The following DPP6 variants were observed in gnomAD, a reference collection of about 807,000 sequenced individuals.
The protein encoded by DPP6 is dipeptidyl peptidase like 6.
A neutral mutation model predicts 122.6 loss-of-function variants in DPP6; 69 were observed. That is an observed-to-expected ratio of 0.56 (90% CI 0.46 to 0.69). The LOEUF is 0.69. Among genes scored for constraint, DPP6 ranks in the 30% least tolerant of loss-of-function variants. DPP6 has a pLI of 0.00. For synonymous variants in DPP6, 418 were observed against 433.1 expected (o/e 0.97, Z 0.43); for missense variants, 928 against 1,116.9 (o/e 0.83, Z 2.41).
At chr7:154,608,086 TCTC>T (rs1349125159) in intron 5 of DPP6, among the ~76,000 whole-genome samples, 2 of 145,850 alleles carry the variant, frequency 1.4e-5, no homozygotes, top group African/African-American at 5.0e-5. Flanking sequence ...TTCAAGCAAT[TCTC>T]CTGCCTCAGC....
chr7:154,384,122 T>A (rs1813874349), intron 1 of DPP6, among the ~76,000 whole-genome samples: 6 of 151,900 alleles, frequency 3.9e-5, no homozygotes, highest in Admixed American at 3.9e-4. Flanking sequence ...TCATCCTCAT[T>A]TGATGGTCGA....
chr7:154,859,355 G>C (rs1445167456), intron 17 of DPP6, among the ~76,000 whole-genome samples: 1 of 152,244 alleles, frequency 6.6e-6, no homozygotes, highest in African/African-American at 2.4e-5. Flanking sequence ...CGGCTCCTGA[G>C]CCGCTGTGTG....
At chr7:154,316,915 G>A (rs1166484750) in intron 1 of DPP6, among the ~76,000 whole-genome samples, 1 of 152,134 alleles carries the variant, frequency 6.6e-6, no homozygotes, top group African/African-American at 2.4e-5. Context: ...GCACTTGCTA[G>A]GTAGGCAGCG....
At chr7:153,840,606 A>G in the DPP6 span, among the ~76,000 whole-genome samples, 2 of 152,222 alleles carry the variant, frequency 1.3e-5, no homozygotes, top group African/African-American at 4.8e-5. Context: ...TTGGAAATAA[A>G]CAGTCAGAAC....
chr7:154,346,110 C>T (rs1221019646), intron 1 of DPP6, among the ~76,000 whole-genome samples: 2 of 152,154 alleles, frequency 1.3e-5, no homozygotes, highest in Non-Finnish European at 2.9e-5. Flanking sequence ...AAGACAAGCA[C>T]TTCCTGTTTA....
intron 1 of DPP6, among the ~76,000 whole-genome samples, chr7:154,097,664 G>A (rs1395045691): frequency 6.6e-6 from 1 of 152,230 alleles, no homozygotes; most frequent in Non-Finnish European, 1.5e-5. Flanking sequence ...CACAGGGTCT[G>A]GGTAGCAGGG....
chr7:154,147,670 G>T (rs1217976108), intron 1 of DPP6, among the ~76,000 whole-genome samples: 2 of 148,794 alleles, frequency 1.3e-5, no homozygotes, highest in South Asian at 2.1e-4. Flanking sequence ...GTGTGTGTGT[G>T]TGTGTGTATA....
At chr7:154,053,107 G>C (rs980978307) in intron 1 of DPP6, 44 bp downstream of exon 1, 7 of 1,069,472 alleles carry the variant, frequency 6.5e-6, no homozygotes, top group African/African-American at 1.7e-5. Context: ...GGTTCTCCGG[G>C]CTGAGCGCGC....
At chr7:154,506,828 C>G (rs1232115614) in intron 3 of DPP6, among the ~76,000 whole-genome samples, 1 of 152,190 alleles carries the variant, frequency 6.6e-6, no homozygotes, top group Non-Finnish European at 1.5e-5. Flanking sequence ...GGGATAACTA[C>G]AGAGAAGCGC....
chr7:153,940,117 T>A (rs899496443), intron 1 of DPP6, among the ~76,000 whole-genome samples: 1 of 152,146 alleles, frequency 6.6e-6, no homozygotes, highest in Non-Finnish European at 1.5e-5. Context: ...TGAGTCTGTC[T>A]GCAGGGAACA....
chr7:154,145,083 C>T (rs989995155), intron 1 of DPP6, among the ~76,000 whole-genome samples: 53 of 152,218 alleles, frequency 3.5e-4, no homozygotes, highest in African/African-American at 1.3e-3. Flanking sequence ...CAGTTGTTTA[C>T]TCAAGCACTG....
At chr7:154,271,347 CAT>C (rs35709411) in intron 1 of DPP6, among the ~76,000 whole-genome samples, 36,950 of 151,960 alleles carry the variant, frequency 0.24, 5,145 homozygotes, top group Non-Finnish European at 0.32. Context: ...GTTGCGAACA[CAT>C]ATATTGTTGC....
In DPP6 at chr7:154,241,185, A is replaced by ATG. The variant is rs1554498771; in HGVS notation, c.243+188156_243+188157dup. The stretch of plus-strand genomic sequence containing the variant: ...GCACAGTAGGTAATTCAATATCAAT[A>ATG]TGTGTGTGTGTGTGTGTGTGTGTGT... On this transcript the variant is annotated intron_variant, in intron 1 of 25. Coordinates refer to ENST00000377770, the MANE Select transcript of DPP6 (RefSeq NM_130797.4). The surrounding 1 kb of genome is among the most constrained non-coding windows in gnomAD (Gnocchi z 9.0). 0.046 allele frequency among the ~76,000 whole-genome samples: 6,220 copies of ATG among 136,156 alleles called. 172 individuals carry two copies. Among genetic ancestry groups the ATG allele is most frequent in the South Asian group, 0.068 (261 of 3,824 alleles). 89.3% of individuals were successfully genotyped at this position (136,156 alleles called of 152,430 possible). A position where few individuals can be genotyped will look rare whatever the true frequency, so the allele number is the denominator to read the frequency against.
chr7:154,192,134 G>A (rs1798645352), intron 1 of DPP6, among the ~76,000 whole-genome samples: 1 of 152,202 alleles, frequency 6.6e-6, no homozygotes, highest in African/African-American at 2.4e-5. Context: ...GCACCTTTTA[G>A]TTCAAGATGC....
At chr7:153,753,299 A>G in the DPP6 span, among the ~76,000 whole-genome samples, 1 of 152,112 alleles carries the variant, frequency 6.6e-6, no homozygotes, top group Non-Finnish European at 1.5e-5. Context: ...ATTTTCAAAA[A>G]TATTTTTACA....
chr7:154,013,757 C>T (rs1046209842), intron 1 of DPP6, among the ~76,000 whole-genome samples: 3 of 152,168 alleles, frequency 2.0e-5, no homozygotes, highest in African/African-American at 7.2e-5. Context: ...GGAACTTGCT[C>T]TGCTCCTCAT....
At chr7:154,175,094 C>T (rs945465258) in intron 1 of DPP6, among the ~76,000 whole-genome samples, 1 of 151,766 alleles carries the variant, frequency 6.6e-6, no homozygotes, top group East Asian at 1.9e-4. Flanking sequence ...TCTATGGAGT[C>T]ATTTCCCAAC....
chr7:153,893,117 A>C (rs547807751), intron 1 of DPP6, among the ~76,000 whole-genome samples: 1 of 152,324 alleles, frequency 6.6e-6, no homozygotes, highest in East Asian at 1.9e-4. Flanking sequence ...GTTTTATAAA[A>C]TTTCTTCAAT....
intron 1 of DPP6, among the ~76,000 whole-genome samples, chr7:153,987,626 G>A (rs529667945): frequency 2.0e-5 from 3 of 151,972 alleles, no homozygotes; most frequent in East Asian, 1.9e-4. Flanking sequence ...GGAAATTGAC[G>A]TAGGAGCAGC....
Sources: allele counts gnomAD v4.1 joint callset (sites outside exome capture counted in the v4.1 genomes callset), GRCh38; gene constraint gnomAD v4.1.1; non-coding constraint Gnocchi (gnomAD v3.1); transcripts MANE v1.5; gene names NCBI Gene and HGNC (gene_info 2026-07-23, HGNC 2026-07-21).